IVD: variants seen among roughly 807,000 people sequenced by gnomAD.
The protein encoded by IVD is isovaleryl-CoA dehydrogenase, mitochondrial.
In IVD, 31 loss-of-function variants were observed where a neutral mutation model predicts 51.3. That is an observed-to-expected ratio of 0.60 (90% CI 0.45 to 0.81). The LOEUF is 0.81. IVD is among the 40% of genes least tolerant of loss of function. The probability of loss-of-function intolerance (pLI) is 0.00; values close to 1 mark genes in which losing one functional copy is unlikely to be tolerated. For missense variants in IVD, 475 were observed against 552.0 expected (o/e 0.86, Z 1.40); for synonymous variants, 205 against 219.4 (o/e 0.93, Z 0.58).
At position 40,407,654 on chromosome 15, in the gene IVD, A is replaced by T. The variant is rs1443916294; in HGVS notation, c.163A>T (p.Lys55Ter). 1.9e-6 allele frequency: 3 copies of T among 1,614,098 alleles called. No individual in the cohort carries two copies. Among genetic ancestry groups the T allele is most frequent in the Non-Finnish European group, 2.5e-6 (3 of 1,179,968 alleles). ...EQRQLRQTMAKFLQEHLAPKA... is the reference protein window; with the variant it reads ...EQRQLRQTMA ...CTATTAGCTTCGTCAGACCATGGCT[A>T]AGTTCCTTCAGGAGCACCTGGCCCC... The change falls in exon 2 of 12, where the codon AAG becomes TAG. Residue 55 changes from lysine to a stop codon, truncating the protein, a stop_gained. Coordinates refer to ENST00000487418, the MANE Select transcript of IVD (RefSeq NM_002225.5). LOFTEE classifies it high-confidence loss of function.
downstream of IVD, chr15:40,424,337 A>G: frequency 9.0e-6 from 4 of 442,754 alleles, no homozygotes; most frequent in South Asian, 8.4e-5. Context: ...CCTCACTGCC[A>G]TGTTTCTCAT....
At chr15:40,430,156 G>T (rs765049226) in intron 7 of IVD, among the ~76,000 whole-genome samples, 3 of 152,216 alleles carry the variant, frequency 2.0e-5, no homozygotes, top group Non-Finnish European at 4.4e-5. Flanking sequence ...AGGGTGCAGA[G>T]CCGCTGCGGC....
At chr15:40,409,898 G>C (rs1480497911) in intron 3 of IVD, among the ~76,000 whole-genome samples, 1 of 148,610 alleles carries the variant, frequency 6.7e-6, no homozygotes, top group African/African-American at 2.5e-5. Flanking sequence ...GTGCAGTGGC[G>C]CGATCTCGGC....
chr15:40,408,094 C>G (rs2014753824), intron 3 of IVD, 104 bp downstream of exon 3: 1 of 1,066,602 alleles, frequency 9.4e-7, no homozygotes, highest in South Asian at 1.3e-5. Flanking sequence ...TTAAAGAAAC[C>G]CAGAACTGCA....
intron 9 of IVD, 115 bp from the exon 10 acceptor site, chr15:40,415,960 TCTC>T (rs1891624456): frequency 1.2e-6 from 1 of 864,648 alleles, no homozygotes; most frequent in African/African-American, 1.7e-5. Flanking sequence ...GTAAATCCCA[TCTC>T]CTCTCCATGC....
intron 11 of IVD, among the ~76,000 whole-genome samples, chr15:40,417,876 A>G (rs1595796520): frequency 2.0e-5 from 3 of 152,200 alleles, no homozygotes; most frequent in East Asian, 3.8e-4. Context: ...ATGTATGTAT[A>G]GGGAAAAAAA....
At position 40,419,320 on chromosome 15, in the gene IVD, G is replaced by A; in HGVS notation, c.*1057G>A. The A allele has an allele frequency of 1.1e-6, 1 of 906,100 alleles. No homozygotes were observed. Among genetic ancestry groups the A allele is most frequent in the Non-Finnish European group, 1.5e-6 (1 of 648,796 alleles). 56.1% of individuals were successfully genotyped at this position (906,100 alleles called of 1,614,324 possible). On this transcript the variant is annotated 3_prime_UTR_variant, in exon 12 of 12. Coordinates refer to ENST00000487418, the MANE Select transcript of IVD (RefSeq NM_002225.5). ...GCAGTCAGGAGTTCAAGACCAGCCTGTCCAACGTGGTGAAACCCCATCTCT... is the reference window on the plus strand; with the variant it reads ...GCAGTCAGGAGTTCAAGACCAGCCTATCCAACGTGGTGAAACCCCATCTCT...
At chr15:40,406,974 C>T (rs1424458184) in intron 1 of IVD, among the ~76,000 whole-genome samples, 1 of 152,108 alleles carries the variant, frequency 6.6e-6, no homozygotes, top group African/African-American at 2.4e-5. Flanking sequence ...AGTGATTCTC[C>T]TGCCTCAGCC....
Position 40,407,925 on chromosome 15 carries a change from C to T in IVD, c.235-14C>T. On this transcript the variant is annotated splice_polypyrimidine_tract_variant and intron_variant, in intron 2 of 11. Coordinates refer to ENST00000487418, the MANE Select transcript of IVD (RefSeq NM_002225.5). ...CCTCAACACTTATTCCACTCTGCTC[C>T]ATTCTGTTGGCAGGAATTTTGGAAG... 1 of 1,613,946 alleles carries T rather than the reference C, an allele frequency of 6.2e-7. No individual in the cohort carries two copies. Among genetic ancestry groups the T allele is most frequent in the Non-Finnish European group, 8.5e-7 (1 of 1,179,868 alleles).
intron 7 of IVD, among the ~76,000 whole-genome samples, chr15:40,413,363 C>CTGA (rs1891291397): frequency 6.6e-6 from 1 of 152,236 alleles, no homozygotes; most frequent in Admixed American, 6.5e-5. Context: ...CATTGATGTC[C>CTGA]TTCAGTCTTC....
In IVD at chr15:40,418,863, T is replaced by G. The variant is rs1272415237; in HGVS notation, c.*600T>G. 1.3e-6 allele frequency: 1 copy of G among 765,088 alleles called. No homozygotes were observed. The highest frequency in any genetic ancestry group is 1.7e-6 in the Non-Finnish European group (1 of 584,510). The allele number at this position is 765,088 out of a possible 1,614,324, so 47.4% of individuals were successfully genotyped here. ...ATAAACCTAGCCTAGCCAGGCGTGG[T>G]GGCTCATGCTTGTAATCCCAGCACT... On this transcript the variant is annotated 3_prime_UTR_variant, in exon 12 of 12. Transcript: ENST00000487418.
chr15:40,426,880 T>G (rs772347768), downstream of IVD, among the ~76,000 whole-genome samples: 28 of 152,158 alleles, frequency 1.8e-4, no homozygotes, highest in Admixed American at 8.5e-4. Context: ...CAAACCTTTA[T>G]AGGCAAGCTA....
chr15:40,415,305 C>G, intron 8 of IVD, 96 bp from the exon 9 acceptor site: 4 of 1,109,372 alleles, frequency 3.6e-6, no homozygotes, highest in Non-Finnish European at 4.1e-6. Flanking sequence ...TGCTTTTCTC[C>G]TCCCTGGGAT....
Position 40,431,690 on chromosome 15 carries a change from A to G in IVD, c.720-2164A>G, listed in dbSNP as rs553098944. ...AGCCTGGGCTACAGAGCAAGACTCC[A>G]TCTCAAAAAAAAAAAAAAGATTATG... On this transcript the variant is annotated intron_variant, in intron 7 of 8. Coordinates refer to the IVD transcript ENST00000473112. Among the ~76,000 whole-genome samples the G allele has an allele frequency of 7.3e-3, 1,102 of 151,408 alleles. 7 individuals carry two copies. Among genetic ancestry groups the G allele is most frequent in the Non-Finnish European group, 0.011 (714 of 67,732 alleles).
downstream of IVD, chr15:40,421,382 C>T (rs1396176731): frequency 1.0e-6 from 1 of 985,456 alleles, no homozygotes; most frequent in East Asian, 1.1e-4. Flanking sequence ...GTTTGGTTGC[C>T]TACATGCATT....
intron 1 of IVD, among the ~76,000 whole-genome samples, chr15:40,406,977 C>T (rs181535469): frequency 3.9e-4 from 60 of 152,160 alleles, no homozygotes; most frequent in Admixed American, 2.7e-3. Context: ...GATTCTCCTG[C>T]CTCAGCCTCC....
chr15:40,406,095 T>A, intron 1 of IVD, 124 bp downstream of exon 1: 1 of 1,536,504 alleles, frequency 6.5e-7, no homozygotes, highest in Admixed American at 2.0e-5. Context: ...CCGTGGGCCG[T>A]TGGGAGCGCC....
rs146360134 is a variant in IVD, at chr15:40,411,436, C to T, written c.550+83C>T. ...TAATGGAGCAACAATTGTGGGTGGC[C>T]CCTGCTGGGTTTCCAGAACTTTCTC... is the stretch of plus-strand genomic sequence containing the variant. On this transcript the variant is annotated intron_variant, in intron 5 of 11. Transcript: ENST00000487418. 8.4e-4 allele frequency: 1,342 copies of T among 1,593,854 alleles called. 3 individuals carry two copies. Among genetic ancestry groups the T allele is most frequent in the Admixed American group, 2.8e-3 (169 of 59,962 alleles).
downstream of IVD, chr15:40,421,362 T>C (rs1892285077): frequency 1.0e-6 from 1 of 985,386 alleles, no homozygotes; most frequent in Non-Finnish European, 1.2e-6. Context: ...ACTTTGGTTC[T>C]TGTGGGCGTG....
Sources: allele counts gnomAD v4.1 joint callset (sites outside exome capture counted in the v4.1 genomes callset), GRCh38; gene constraint gnomAD v4.1.1; transcripts MANE v1.5; gene names NCBI Gene and HGNC (gene_info 2026-07-23, HGNC 2026-07-21).